GPR39: variants seen among roughly 807,000 people sequenced by gnomAD.
GPR39 encodes G protein-coupled receptor 39, also known as zinc sensing receptor.
Under a neutral mutation model 18.4 loss-of-function variants are expected in GPR39, and 23 were observed. The observed-to-expected ratio is 1.25, with a 90% CI of 0.90 to 1.77. GPR39 has a LOEUF of 1.77. GPR39 is among the 40% of genes most tolerant of loss of function. The pLI is 0.00. For missense variants in GPR39, 647 were observed against 602.4 expected (o/e 1.07, Z -0.78); for synonymous variants, 280 against 257.9 (o/e 1.09, Z -0.82).
At chr2:132,485,373 A>G (rs182904406) in intron 1 of GPR39, among the ~76,000 whole-genome samples, 1 of 152,354 alleles carries the variant, frequency 6.6e-6, no homozygotes, top group East Asian at 1.9e-4. Context: ...TAGTTGTGAC[A>G]ATTTCTTAAA....
chr2:132,592,282 G>A (rs1340150468), intron 1 of GPR39, among the ~76,000 whole-genome samples: 1 of 152,202 alleles, frequency 6.6e-6, no homozygotes, highest in East Asian at 1.9e-4. Flanking sequence ...CTGAGACAGT[G>A]ACATTTGAGC....
chr2:132,436,682 G>GC (rs957883247), intron 1 of GPR39, among the ~76,000 whole-genome samples: 9 of 152,048 alleles, frequency 5.9e-5, no homozygotes, highest in African/African-American at 1.4e-4. Flanking sequence ...TTAGTAAAGA[G>GC]CCCCCCGGCT....
rs188001987 is a variant in GPR39, at chr2:132,589,938, T to C, written c.857-55163T>C. On this transcript the variant is annotated intron_variant, in intron 1 of 1. Transcript: ENST00000329321. ...TTAATATGTGGGAGAAAAGGGCTGA[T>C]GTGCCTTAATTTTATTTCTCAGTAA... Among the ~76,000 whole-genome samples the C allele has an allele frequency of 2.0e-4, 31 of 152,356 alleles. No homozygotes were observed. The East Asian group carries it at 3.7e-3, about 18-fold the overall frequency.
intron 1 of GPR39, among the ~76,000 whole-genome samples, chr2:132,507,859 G>A (rs1679163723): frequency 6.6e-6 from 1 of 152,166 alleles, no homozygotes; most frequent in African/African-American, 2.4e-5. Flanking sequence ...GGGCAGAGGA[G>A]AGTCCCAAAC....
intron 1 of GPR39, among the ~76,000 whole-genome samples, chr2:132,479,449 T>G (rs952787960): frequency 6.6e-6 from 1 of 152,138 alleles, no homozygotes; most frequent in Non-Finnish European, 1.5e-5. Context: ...GATGAAGCAT[T>G]TAATTGGGCT....
chr2:132,608,146 G>T (rs1558857165), intron 1 of GPR39, among the ~76,000 whole-genome samples: 1 of 152,198 alleles, frequency 6.6e-6, no homozygotes, highest in African/African-American at 2.4e-5. Flanking sequence ...TGCTGACAAT[G>T]ATGCATTTGA....
At chr2:132,550,420 CTG>C (rs1680022767) in intron 1 of GPR39, among the ~76,000 whole-genome samples, 1 of 152,128 alleles carries the variant, frequency 6.6e-6, no homozygotes, top group Non-Finnish European at 1.5e-5. Context: ...CACTTGCACT[CTG>C]TGTTGCATCT....
At chr2:132,488,318 A>G (rs929627504) in intron 1 of GPR39, among the ~76,000 whole-genome samples, 3 of 152,244 alleles carry the variant, frequency 2.0e-5, no homozygotes, top group African/African-American at 7.2e-5. Flanking sequence ...AGCTTTTCAA[A>G]AACAACATGC....
At chr2:132,543,331 C>T (rs1679892656) in intron 1 of GPR39, among the ~76,000 whole-genome samples, 1 of 152,116 alleles carries the variant, frequency 6.6e-6, no homozygotes, top group Non-Finnish European at 1.5e-5. Context: ...ACTTCCCTTA[C>T]CGTGTATGTG....
At chr2:132,604,247 C>T (rs1681095224) in intron 1 of GPR39, among the ~76,000 whole-genome samples, 1 of 152,102 alleles carries the variant, frequency 6.6e-6, no homozygotes, top group Admixed American at 6.6e-5. Flanking sequence ...GCAGGCAACT[C>T]ATATCTGGGC....
At position 132,646,362 on chromosome 2, in the gene GPR39, CAGCTCTTCCTTACTCCTCCCACAGCCCAG is replaced by C. The variant is rs1682078176; in HGVS notation, c.*759_*787del. 3.0e-5 allele frequency: 28 copies of C among 948,092 alleles called. No homozygotes were observed. In the South Asian group the frequency reaches 7.8e-4, roughly 26 times the overall value. The allele number at this position is 948,092 out of a possible 1,614,324, so 58.7% of individuals were successfully genotyped here. On this transcript the variant is annotated 3_prime_UTR_variant, in exon 2 of 2. Transcript: ENST00000329321. Reference sequence around the variant, plus strand: ...CCCTCTCAGCCCAAATCCAAACGGACAGCTCTTCCTTACTCCTCCCACAGCCCAGAGACTAGGTGAGGTCAGGGAAGTGC... The same window carrying C: ...CCCTCTCAGCCCAAATCCAAACGGACAGACTAGGTGAGGTCAGGGAAGTGC...
chr2:132,471,739 C>G (rs1406166550), intron 1 of GPR39, among the ~76,000 whole-genome samples: 1 of 151,486 alleles, frequency 6.6e-6, no homozygotes, highest in Non-Finnish European at 1.5e-5. Context: ...GTCAGATTGA[C>G]TCTGGGGATG....
intron 1 of GPR39, among the ~76,000 whole-genome samples, chr2:132,597,492 C>T (rs1680967605): frequency 6.6e-6 from 1 of 152,162 alleles, no homozygotes; most frequent in Admixed American, 6.5e-5. Flanking sequence ...GTAGGGGACA[C>T]CTCAGAAGCA....
intron 1 of GPR39, among the ~76,000 whole-genome samples, chr2:132,600,455 T>A (rs1681020407): frequency 6.6e-6 from 1 of 151,986 alleles, no homozygotes; most frequent in Admixed American, 6.6e-5. Context: ...AAACATTTTT[T>A]AAAAAGATAA....
chr2:132,554,980 C>G (rs1680120774), intron 1 of GPR39, among the ~76,000 whole-genome samples: 1 of 150,514 alleles, frequency 6.6e-6, no homozygotes, highest in South Asian at 2.1e-4. Context: ...GAGATGGAGT[C>G]TTGCTCTGTC....
rs79130720 is a variant in GPR39 at position 132,609,309 on chromosome 2, A to G, written c.857-35792A>G. 6.1e-3 allele frequency among the ~76,000 whole-genome samples: 929 copies of G among 152,234 alleles called. 27 individuals carry two copies. The highest frequency in any genetic ancestry group is 0.046 in the Admixed American group (711 of 15,292). ...TTTTCTTAGAGTGCTCAGAGGGACT[A>G]TTTACTTAGCACTTGCTCCGTGCCA... is the stretch of plus-strand genomic sequence containing the variant. On this transcript the variant is annotated intron_variant, in intron 1 of 1. Transcript: ENST00000329321.
chr2:132,585,768 T>C (rs1302229762), intron 1 of GPR39, among the ~76,000 whole-genome samples: 1 of 151,856 alleles, frequency 6.6e-6, no homozygotes, highest in Non-Finnish European at 1.5e-5. Flanking sequence ...AACTCCCTCC[T>C]GCCGCTTCAG....
At chr2:132,432,978 A>G (rs1354750582) in intron 1 of GPR39, among the ~76,000 whole-genome samples, 1 of 152,214 alleles carries the variant, frequency 6.6e-6, no homozygotes, top group Non-Finnish European at 1.5e-5. Context: ...GATTTGAACT[A>G]CTTGGGTCTT....
At chr2:132,482,252 C>A (rs1558811225) in intron 1 of GPR39, among the ~76,000 whole-genome samples, 1 of 152,162 alleles carries the variant, frequency 6.6e-6, no homozygotes, top group South Asian at 2.1e-4. Flanking sequence ...GGACATTTTC[C>A]CTTTTCAGCC....
Sources: gnomAD v4.1 joint callset for allele counts (sites outside exome capture counted in the v4.1 genomes callset) on GRCh38, gnomAD v4.1.1 for gene constraint, MANE v1.5 for transcripts, NCBI Gene and HGNC (gene_info 2026-07-23, HGNC 2026-07-21) for gene names.